The following MTUS2 variants were observed in gnomAD, a reference collection of about 807,000 sequenced individuals.
MTUS2 encodes the protein microtubule associated scaffold protein 2.
A neutral mutation model predicts 114.1 loss-of-function variants in MTUS2; 40 were observed. The ratio of observed to expected loss-of-function variants is 0.35; its 90% CI spans 0.27 to 0.46. MTUS2 has a LOEUF of 0.46. Among genes scored for constraint, MTUS2 ranks in the 20% least tolerant of loss-of-function variants. MTUS2 has a pLI of 1.00. For missense variants in MTUS2, 1,679 were observed against 1,705.4 expected, an observed-to-expected ratio of 0.98 and a Z score of 0.27; for synonymous variants, 688 against 672.0, an observed-to-expected ratio of 1.02 and a Z score of -0.37.
intron 8 of MTUS2, among the ~76,000 whole-genome samples, chr13:29,389,761 ATATG>A (rs200839829): frequency 0.77 from 18,420 of 24,074 alleles, 7,965 homozygotes; most frequent in East Asian, 0.93. Flanking sequence ...ATATGTGTGT[ATATG>A]TATATACATA....
intron 5 of MTUS2, among the ~76,000 whole-genome samples, chr13:29,261,126 G>A (rs1212833811): frequency 2.0e-5 from 3 of 152,182 alleles, no homozygotes; most frequent in Non-Finnish European, 2.9e-5. Context: ...CCCAAGAGGG[G>A]AGAGAAACTA....
chr13:29,385,935 T>C (rs1382339608), intron 8 of MTUS2, among the ~76,000 whole-genome samples: 1 of 152,186 alleles, frequency 6.6e-6, no homozygotes, highest in African/African-American at 2.4e-5. Context: ...TCAGTCCATG[T>C]AGCACATTTT....
At chr13:29,135,026 A>G (rs1244606373) in intron 5 of MTUS2, among the ~76,000 whole-genome samples, 1 of 152,252 alleles carries the variant, frequency 6.6e-6, no homozygotes, top group Non-Finnish European at 1.5e-5. Flanking sequence ...TTAAATGGAC[A>G]CTTTCAGAAA....
intron 7 of MTUS2, among the ~76,000 whole-genome samples, chr13:29,349,554 A>G (rs1289092053): frequency 6.6e-6 from 1 of 151,774 alleles, no homozygotes; most frequent in Non-Finnish European, 1.5e-5. Context: ...ACTTCCTTTA[A>G]CATTTATTGT....
chr13:29,382,812 G>C (rs954646377), intron 8 of MTUS2, among the ~76,000 whole-genome samples: 1 of 152,150 alleles, frequency 6.6e-6, no homozygotes, highest in Non-Finnish European at 1.5e-5. Context: ...TGACACAATG[G>C]GAAGATTTAA....
intron 5 of MTUS2, among the ~76,000 whole-genome samples, chr13:29,129,103 G>A (rs759861735): frequency 2.0e-5 from 3 of 151,546 alleles, no homozygotes; most frequent in African/African-American, 4.9e-5. Flanking sequence ...CGGACACTCT[G>A]TGCACTTTCT....
chr13:29,024,987 G>A lies in MTUS2; in HGVS notation c.289G>A (p.Asp97Asn). 6.2e-7 allele frequency: 1 copy of A among 1,613,378 alleles called. No individual in the cohort carries two copies. The highest frequency in any genetic ancestry group is 8.5e-7 in the Non-Finnish European group (1 of 1,179,780). The change falls in exon 3 of 16, where the codon GAT becomes AAT. Residue 97 changes from aspartate (D) to asparagine (N), a missense_variant. Physicochemically the swap from Asp to Asn is conservative, Grantham distance 23. Transcript: ENST00000612955. The stretch of plus-strand genomic sequence containing the variant: ...TCAGGCTGGCTCTGCCAGCCTGAAA[G>A]ATTTTAGACTTTCTTCAACCATTCA... The part of the protein sequence containing the change: ...GSQAGSASLK[D>N]FRLSSTIQRE...
intron 5 of MTUS2, among the ~76,000 whole-genome samples, chr13:29,150,675 T>C (rs954344822): frequency 2.0e-5 from 3 of 152,206 alleles, no homozygotes; most frequent in African/African-American, 7.2e-5. Flanking sequence ...GTTTACATCT[T>C]ACATTTGAGT....
At chr13:29,478,162 G>A (rs1267106343) in intron 9 of MTUS2, among the ~76,000 whole-genome samples, 2 of 152,180 alleles carry the variant, frequency 1.3e-5, no homozygotes, top group African/African-American at 4.8e-5. Flanking sequence ...GGAGACTAAG[G>A]AGACAGGAGC....
chr13:29,471,113 C>A (rs566924907), intron 9 of MTUS2, among the ~76,000 whole-genome samples: 1 of 152,050 alleles, frequency 6.6e-6, no homozygotes, highest in African/African-American at 2.4e-5. Flanking sequence ...GAGGCTGAGG[C>A]GGGCAGCTCA....
intron 7 of MTUS2, among the ~76,000 whole-genome samples, chr13:29,332,577 A>G (rs1593312941): frequency 6.9e-6 from 1 of 144,026 alleles, no homozygotes; most frequent in South Asian, 2.2e-4. Context: ...CTCTGATCTT[A>G]GTTATTTCTT....
intron 2 of MTUS2, among the ~76,000 whole-genome samples, chr13:28,891,150 C>T (rs1878899545): frequency 2.0e-5 from 3 of 152,144 alleles, no homozygotes; most frequent in East Asian, 1.9e-4. Flanking sequence ...ATGTGGGATA[C>T]GTTTTGCTTG....
At chr13:29,440,116 A>G in intron 9 of MTUS2, 67 bp downstream of exon 9, 2 of 1,460,192 alleles carry the variant, frequency 1.4e-6, no homozygotes, top group Non-Finnish European at 1.9e-6. Context: ...AATGTGTACC[A>G]AAAGCAATTA....
chr13:28,939,148 T>G (rs1320826974), intron 2 of MTUS2, among the ~76,000 whole-genome samples: 1 of 152,246 alleles, frequency 6.6e-6, no homozygotes, highest in East Asian at 1.9e-4. Flanking sequence ...CATTGAGCTT[T>G]CCTAGTTCTT....
chr13:29,307,201 A>G, intron 6 of MTUS2: 1 of 543,956 alleles, frequency 1.8e-6, no homozygotes, highest in Non-Finnish European at 3.4e-6. Context: ...GAATTATGAC[A>G]GCAGCCTCAA....
chr13:29,246,211 CA>C (rs1452196255), intron 5 of MTUS2, among the ~76,000 whole-genome samples: 3 of 151,974 alleles, frequency 2.0e-5, no homozygotes, highest in Non-Finnish European at 4.4e-5. Context: ...AGTTCTGACC[CA>C]GGGGGTGATT....
At chr13:28,989,515 T>A (rs1429305162) in intron 2 of MTUS2, among the ~76,000 whole-genome samples, 1 of 152,210 alleles carries the variant, frequency 6.6e-6, no homozygotes, top group Admixed American at 6.5e-5. Flanking sequence ...AGGTCGCAGG[T>A]TTGAAGAGGC....
chr13:29,421,724 C>T (rs1876123080), intron 8 of MTUS2, among the ~76,000 whole-genome samples: 1 of 152,132 alleles, frequency 6.6e-6, no homozygotes, highest in Non-Finnish European at 1.5e-5. Context: ...GGGGCAAGAG[C>T]ATATGGAATG....
intron 4 of MTUS2, among the ~76,000 whole-genome samples, chr13:29,050,832 C>A (rs1887861050): frequency 6.6e-6 from 1 of 152,130 alleles, no homozygotes; most frequent in Admixed American, 6.5e-5. Context: ...ACGTTCCAGG[C>A]AGAAGAAACA....
Sources: allele counts gnomAD v4.1 joint callset (sites outside exome capture counted in the v4.1 genomes callset), GRCh38; gene constraint gnomAD v4.1.1; transcripts MANE v1.5; gene names NCBI Gene and HGNC (gene_info 2026-07-23, HGNC 2026-07-21).